Variants in UGT1A3 observed in about 807,000 individuals in gnomAD.
The protein encoded by UGT1A3 is UDP-glucuronosyltransferase 1A3.
UGT1A3 carries 31 observed loss-of-function variants against 41.0 expected under a neutral mutation model. That is an observed-to-expected ratio of 0.76 (90% CI 0.57 to 1.02). The LOEUF (loss-of-function observed/expected upper bound fraction) is 1.02. UGT1A3 is among the 50% of genes least tolerant of loss of function. The pLI is 0.00. For missense variants in UGT1A3, 737 were observed against 671.0 expected (o/e 1.10, Z -1.09); for synonymous variants, 262 against 257.6 (o/e 1.02, Z -0.17).
At chr2:233,765,660 C>G (rs1450693381) in intron 1 of UGT1A3, among the ~76,000 whole-genome samples, 1 of 151,428 alleles carries the variant, frequency 6.6e-6, no homozygotes, top group South Asian at 2.1e-4. Flanking sequence ...GTGCAGCAAA[C>G]CACCATGGCA....
intron 1 of UGT1A3, chr2:233,747,355 T>C: frequency 1.2e-6 from 2 of 1,603,184 alleles, no homozygotes; most frequent in East Asian, 2.2e-5. Context: ...CGGGAGGCCG[T>C]GCGGGAGCTC....
intron 1 of UGT1A3, chr2:233,761,175 A>G (rs1340390077): frequency 1.2e-6 from 2 of 1,614,094 alleles, no homozygotes; most frequent in African/African-American, 2.7e-5. Flanking sequence ...TGGGACTTTT[A>G]CATGCGTATA....
At chr2:233,748,959 T>A (rs1217481897) in intron 1 of UGT1A3, among the ~76,000 whole-genome samples, 1 of 151,598 alleles carries the variant, frequency 6.6e-6, no homozygotes, top group African/African-American at 2.4e-5. Flanking sequence ...CACTCCAAGT[T>A]TCTATAGTGG....
intron 1 of UGT1A3, among the ~76,000 whole-genome samples, chr2:233,759,941 CTTG>C (rs1697287093): frequency 6.6e-6 from 1 of 152,156 alleles, no homozygotes; most frequent in Non-Finnish European, 1.5e-5. Flanking sequence ...AGAAGCCTAA[CTTG>C]TTCACTACAT....
chr2:233,763,503 T>C (rs1459749644), intron 1 of UGT1A3, among the ~76,000 whole-genome samples: 1 of 152,236 alleles, frequency 6.6e-6, no homozygotes, highest in Admixed American at 6.5e-5. Flanking sequence ...GTTTACTTTA[T>C]GTTTAGTTGA....
chr2:233,746,892 G>A (rs1693507408), intron 1 of UGT1A3, among the ~76,000 whole-genome samples: 1 of 151,796 alleles, frequency 6.6e-6, no homozygotes, highest in African/African-American at 2.4e-5. Flanking sequence ...GAAGTAGGAG[G>A]CTGTGACATG....
chr2:233,729,055 T>C lies in UGT1A3; in HGVS notation c.-72T>C, dbSNP rs1328959185. The C allele has an allele frequency of 6.2e-7, 1 of 1,609,844 alleles. No individual in the cohort carries two copies. The highest frequency in any genetic ancestry group is 2.2e-5 in the East Asian group (1 of 44,866). On this transcript the variant is annotated 5_prime_UTR_variant, in exon 1 of 5. Coordinates refer to ENST00000482026, the MANE Select transcript of UGT1A3 (RefSeq NM_019093.4). ...GCTAAGTGGCTCAGTGACAAGGTAA[T>C]TAAGATGAAGAAAGCAAATGTAGCA...
rs1260954458 is a variant in UGT1A3, at chr2:233,760,768, G to A, written c.868-6266G>A. ...TTTCCTTCCTTGCAGCCCCATCGTG[G>A]CCCAGTACCTGTCTCTGCCCACTGT... is the stretch of plus-strand genomic sequence containing the variant. On this transcript the variant is annotated intron_variant, in intron 1 of 4. Coordinates refer to ENST00000482026, the MANE Select transcript of UGT1A3 (RefSeq NM_019093.4). 3.1e-6 allele frequency: 5 copies of A among 1,613,838 alleles called. 1 individual carries two copies. The highest frequency in any genetic ancestry group is 3.4e-6 in the Non-Finnish European group (4 of 1,179,918).
chr2:233,730,905 A>T (rs1322657764), intron 1 of UGT1A3, among the ~76,000 whole-genome samples: 1 of 152,098 alleles, frequency 6.6e-6, no homozygotes, highest in East Asian at 1.9e-4. Flanking sequence ...CCTTTACCAA[A>T]AATTTCAGAG....
At chr2:233,752,938 T>A (rs1691143472) in intron 1 of UGT1A3, among the ~76,000 whole-genome samples, 2 of 152,262 alleles carry the variant, frequency 1.3e-5, no homozygotes, top group South Asian at 4.1e-4. Flanking sequence ...CACTCTTTGC[T>A]GACCACTGAA....
chr2:233,754,909 T>C (rs754885290), intron 1 of UGT1A3: 1 of 1,353,004 alleles, frequency 7.4e-7, no homozygotes, highest in Non-Finnish European at 9.9e-7. Flanking sequence ...CCCAAAATAT[T>C]CTCCAGCGGG....
At chr2:233,762,868 G>A (rs998975258) in intron 1 of UGT1A3, among the ~76,000 whole-genome samples, 2 of 151,940 alleles carry the variant, frequency 1.3e-5, no homozygotes, top group Non-Finnish European at 2.9e-5. Context: ...AGAAATTTTG[G>A]TTTCTTCTCT....
Position 233,768,229 on chromosome 2 carries a change from T to C in UGT1A3, c.1097T>C (p.Met366Thr), listed in dbSNP as rs371224646. ...CTATTTTGCATCTCAGGTCACCCGATGACCCGTGCCTTTATCACCCATGCT... is the reference window on the plus strand; with the variant it reads ...CTATTTTGCATCTCAGGTCACCCGACGACCCGTGCCTTTATCACCCATGCT... Reference protein sequence around the residue: ...LPQNDLLGHPMTRAFITHAGS... With the variant: ...LPQNDLLGHPTTRAFITHAGS... Residue 366 changes from methionine to threonine, a missense_variant, in exon 4 of 5, where the codon ATG (methionine) becomes ACG (threonine). Coordinates refer to ENST00000482026, the MANE Select transcript of UGT1A3 (RefSeq NM_019093.4). 3.1e-6 allele frequency: 5 copies of C among 1,614,112 alleles called. No homozygotes were observed. The highest frequency in any genetic ancestry group is 4.2e-6 in the Non-Finnish European group (5 of 1,180,052).
At chr2:233,761,619 G>A (rs34165552) in intron 1 of UGT1A3, among the ~76,000 whole-genome samples, 1 of 152,358 alleles carries the variant, frequency 6.6e-6, no homozygotes, top group Non-Finnish European at 1.5e-5. Context: ...ATTCTGATAA[G>A]AAGCTAAATC....
intron 3 of UGT1A3, 53 bp from the exon 4 acceptor site, chr2:233,768,167 G>T: frequency 5.6e-6 from 9 of 1,613,612 alleles, no homozygotes; most frequent in Non-Finnish European, 7.6e-6. Context: ...GATGTGTCCA[G>T]CTGTGAAACT....
chr2:233,748,114 A>C (rs1473997500), intron 1 of UGT1A3: 1 of 1,611,788 alleles, frequency 6.2e-7, no homozygotes, highest in East Asian at 2.2e-5. Flanking sequence ...TCAATGTTCC[A>C]GGCAAAACAG....
chr2:233,748,002 G>C (rs1380342969), intron 1 of UGT1A3: 18 of 1,613,382 alleles, frequency 1.1e-5, no homozygotes, highest in Non-Finnish European at 1.4e-5. Flanking sequence ...CTTTGTGATG[G>C]ATTACCCCAG....
At chr2:233,760,942 C>G (rs1253140529) in intron 1 of UGT1A3, 13 of 1,614,092 alleles carry the variant, frequency 8.1e-6, no homozygotes, top group Non-Finnish European at 1.1e-5. Flanking sequence ...TGCCTTTTCA[C>G]AGAACTTTCT....
At chr2:233,754,970 G>T (rs1695665422) in intron 1 of UGT1A3, 1 of 1,301,498 alleles carries the variant, frequency 7.7e-7, no homozygotes, top group Non-Finnish European at 1.0e-6. Context: ...AGAACTCCCT[G>T]AAGACCTCGG....
Sources: gnomAD v4.1 joint callset for allele counts (sites outside exome capture counted in the v4.1 genomes callset) on GRCh38, gnomAD v4.1.1 for gene constraint, MANE v1.5 for transcripts, NCBI Gene and HGNC (gene_info 2026-07-23, HGNC 2026-07-21) for gene names.